Variants in MACROD2 observed in about 807,000 individuals in gnomAD.
MACROD2 encodes the protein mono-ADP ribosylhydrolase 2.
In MACROD2, 36 loss-of-function variants were observed where a neutral mutation model predicts 70.4. The ratio of observed to expected loss-of-function variants is 0.51; its 90% CI spans 0.39 to 0.68. The LOEUF (loss-of-function observed/expected upper bound fraction) is 0.68. MACROD2 is among the 30% of genes least tolerant of loss of function. The probability of loss-of-function intolerance (pLI) is 0.00; values close to 1 mark genes in which losing one functional copy is unlikely to be tolerated. For missense variants in MACROD2, 496 were observed against 538.4 expected, an observed-to-expected ratio of 0.92 and a Z score of 0.78; for synonymous variants, 172 against 178.8, an observed-to-expected ratio of 0.96 and a Z score of 0.30.
At position 14,789,401 on chromosome 20, in the gene MACROD2, A is replaced by C. The variant is rs1235589877; in HGVS notation, c.418+104442A>C. Among the ~76,000 whole-genome samples, 40 of 149,890 alleles carry C rather than the reference A, an allele frequency of 2.7e-4. 1 individual carries two copies. The highest frequency in any genetic ancestry group is 7.4e-5 in the Non-Finnish European group (5 of 67,458). On this transcript the variant is annotated intron_variant, in intron 5 of 17. Transcript: ENST00000684519. The stretch of plus-strand genomic sequence containing the variant: ...AGGGCAGCCATCCAAGAGGCCAAAA[A>C]CGTAACGCCTGGAAAAAATAAATTC...
chr20:14,913,918 A>G (rs991961919), intron 5 of MACROD2, among the ~76,000 whole-genome samples: 2 of 152,230 alleles, frequency 1.3e-5, no homozygotes, highest in Admixed American at 1.3e-4. Context: ...CAAGATTTGA[A>G]TACAGCTTGG....
intron 2 of MACROD2, among the ~76,000 whole-genome samples, chr20:14,017,438 G>C (rs1038289950): frequency 2.6e-5 from 4 of 152,100 alleles, no homozygotes; most frequent in Non-Finnish European, 4.4e-5. Context: ...TCACCACTGA[G>C]TATTGAGTAT....
chr20:15,204,431 A>C (rs573311327), intron 5 of MACROD2, among the ~76,000 whole-genome samples: 2 of 152,206 alleles, frequency 1.3e-5, no homozygotes, highest in African/African-American at 4.8e-5. Flanking sequence ...TCATCTCAGC[A>C]TCACTTCTTT....
intron 5 of MACROD2, among the ~76,000 whole-genome samples, chr20:15,083,299 G>T (rs529440268): frequency 4.1e-4 from 63 of 152,244 alleles, no homozygotes; most frequent in Non-Finnish European, 8.1e-4. Context: ...GATTCTGCAA[G>T]ATGTAGGCCC....
chr20:14,608,905 C>T (rs1982983368), intron 4 of MACROD2, among the ~76,000 whole-genome samples: 2 of 152,088 alleles, frequency 1.3e-5, no homozygotes, highest in South Asian at 4.1e-4. Flanking sequence ...ATTCCAAAAA[C>T]AGGGATAGAA....
At chr20:14,465,263 T>G (rs989473357) in intron 3 of MACROD2, among the ~76,000 whole-genome samples, 17 of 152,136 alleles carry the variant, frequency 1.1e-4, no homozygotes, top group African/African-American at 4.1e-4. Flanking sequence ...TTCTTCTTGT[T>G]GAATTGATCC....
At chr20:15,340,608 T>C (rs2146206418) in intron 6 of MACROD2, among the ~76,000 whole-genome samples, 1 of 152,224 alleles carries the variant, frequency 6.6e-6, no homozygotes, top group African/African-American at 2.4e-5. Flanking sequence ...GAATCAAATG[T>C]CCTAGAGCTC....
chr20:15,165,032 AAGTT>A (rs972285137), intron 5 of MACROD2, among the ~76,000 whole-genome samples: 6 of 152,226 alleles, frequency 3.9e-5, no homozygotes, highest in Non-Finnish European at 8.8e-5. Flanking sequence ...TTCAACAAAA[AAGTT>A]GTTTCCTTAG....
intron 3 of MACROD2, among the ~76,000 whole-genome samples, chr20:14,120,660 GAT>G (rs112312884): frequency 0.041 from 6,117 of 149,332 alleles, 167 homozygotes; most frequent in African/African-American, 0.08. Flanking sequence ...AAGAAAATGT[GAT>G]ATATATATAT....
chr20:15,089,293 T>G (rs566996928), intron 5 of MACROD2, among the ~76,000 whole-genome samples: 2 of 152,244 alleles, frequency 1.3e-5, no homozygotes, highest in Non-Finnish European at 2.9e-5. Context: ...TAAGGATCTT[T>G]AAGAGGTTTT....
intron 3 of MACROD2, among the ~76,000 whole-genome samples, chr20:14,296,904 C>T (rs2082432058): frequency 2.0e-5 from 3 of 151,924 alleles, no homozygotes; most frequent in Admixed American, 6.6e-5. Context: ...GATGGCAACC[C>T]TGCATCAAGT....
intron 3 of MACROD2, among the ~76,000 whole-genome samples, chr20:14,179,491 T>C (rs1045886510): frequency 6.6e-6 from 1 of 152,194 alleles, no homozygotes; most frequent in African/African-American, 2.4e-5. Context: ...TACTATTCTG[T>C]CTATCTACTG....
At chr20:14,883,328 T>C (rs139817185) in intron 5 of MACROD2, among the ~76,000 whole-genome samples, 1 of 152,234 alleles carries the variant, frequency 6.6e-6, no homozygotes, top group Non-Finnish European at 1.5e-5. Flanking sequence ...GTCTACAATG[T>C]GGGTGTATTT....
intron 5 of MACROD2, among the ~76,000 whole-genome samples, chr20:14,928,528 A>G (rs430641): frequency 0.053 from 8,004 of 152,298 alleles, 230 homozygotes; most frequent in Non-Finnish European, 0.063. Context: ...GTAGTAGGTA[A>G]GGGATTTGCC....
At chr20:15,148,864 G>A (rs558415305) in intron 5 of MACROD2, among the ~76,000 whole-genome samples, 23 of 151,998 alleles carry the variant, frequency 1.5e-4, no homozygotes, top group African/African-American at 4.4e-4. Flanking sequence ...ACTGAGGACC[G>A]TAAGGGATGT....
chr20:15,777,568 TC>T (rs2051749715), intron 8 of MACROD2, among the ~76,000 whole-genome samples: 2 of 105,758 alleles, frequency 1.9e-5, no homozygotes, highest in Non-Finnish European at 4.3e-5. Flanking sequence ...CTTCCTTCCT[TC>T]CTTCCTTCTT....
intron 8 of MACROD2, among the ~76,000 whole-genome samples, chr20:15,555,828 C>CAAAAAAA (rs397838341): frequency 1.7e-3 from 31 of 18,454 alleles, no homozygotes; most frequent in Non-Finnish European, 2.5e-3. Flanking sequence ...GACTCCATCT[C>CAAAAAAA]AAAAAAAAAA....
chr20:14,513,821 C>A (rs768616222), intron 4 of MACROD2, among the ~76,000 whole-genome samples: 21 of 151,828 alleles, frequency 1.4e-4, no homozygotes, highest in Non-Finnish European at 2.8e-4. Flanking sequence ...CTTTAATATT[C>A]CTCTATAAGT....
intron 6 of MACROD2, among the ~76,000 whole-genome samples, chr20:15,350,071 A>G (rs1322032337): frequency 6.6e-6 from 1 of 152,192 alleles, no homozygotes; most frequent in Non-Finnish European, 1.5e-5. Context: ...TCAAAAATGC[A>G]TGTGAAGAAA....
Sources: gnomAD v4.1 joint callset for allele counts (sites outside exome capture counted in the v4.1 genomes callset) on GRCh38, gnomAD v4.1.1 for gene constraint, MANE v1.5 for transcripts, NCBI Gene and HGNC (gene_info 2026-07-23, HGNC 2026-07-21) for gene names.